Variants in CCDC175 observed in about 807,000 individuals in gnomAD.
CCDC175 encodes the protein coiled-coil domain-containing protein 175.
Under a neutral mutation model 114.6 loss-of-function variants are expected in CCDC175, and 100 were observed. The ratio of observed to expected loss-of-function variants is 0.87; its 90% CI spans 0.74 to 1.03. CCDC175 has a LOEUF of 1.03. Among genes scored for constraint, CCDC175 ranks in the 50% least tolerant of loss-of-function variants. The pLI is 0.00. For missense variants in CCDC175, 880 were observed against 917.8 expected (o/e 0.96, Z 0.53); for synonymous variants, 306 against 308.7 (o/e 0.99, Z 0.09).
rs1012185047 is a variant in CCDC175, at chr14:59,572,815, T to G, written c.244-2A>C. 6.7e-7 allele frequency: 1 copy of G among 1,485,722 alleles called. No individual in the cohort carries two copies. Among genetic ancestry groups the G allele is most frequent in the South Asian group, 1.3e-5 (1 of 75,470 alleles). The allele number at this position is 1,485,722 out of a possible 1,614,324, so 92.0% of individuals were successfully genotyped here. A position where few individuals can be genotyped will look rare whatever the true frequency, so the allele number is the denominator to read the frequency against. ...GATTGTGGCTTTTCTCATTTCTTCC[T>G]GAAAATTTAAATTACATTTTTAAAA... is the stretch of plus-strand genomic sequence containing the variant. On this transcript the variant is annotated splice_acceptor_variant, in intron 2 of 19. Transcript: ENST00000537690. LOFTEE classifies it high-confidence loss of function.
chr14:59,539,895 G>A (rs184516355), intron 11 of CCDC175, among the ~76,000 whole-genome samples: 159 of 152,060 alleles, frequency 1.0e-3, no homozygotes, highest in African/African-American at 3.6e-3. Flanking sequence ...GTGAGAGTCC[G>A]TCTCAAAAAC....
rs1015144068 is a variant in CCDC175 at position 59,565,029 on chromosome 14, A to G, written c.720+18T>C. On this transcript the variant is annotated intron_variant, in intron 5 of 19. Transcript: ENST00000537690. The stretch of plus-strand genomic sequence containing the variant: ...TCTATACATTATTGTATTTTAAAGA[A>G]TAAATCATGCCACTTACCTGTGCAG... 6 of 1,443,354 alleles carry G rather than the reference A, an allele frequency of 4.2e-6. No individual in the cohort carries two copies. Among genetic ancestry groups the G allele is most frequent in the Non-Finnish European group, 3.7e-6 (4 of 1,071,162 alleles). The allele number at this position is 1,443,354 out of a possible 1,614,324, so 89.4% of individuals were successfully genotyped here.
rs6573272 is a variant in CCDC175 at position 59,576,605 on chromosome 14, G to A, written c.157+14C>T. ...TGAGGAGACGTCCCTTCCAGCGCCC[G>A]AGGGGCGTCTTACCCACAACAAACA... On this transcript the variant is annotated intron_variant, in intron 1 of 19. Coordinates refer to ENST00000537690, the MANE Select transcript of CCDC175 (RefSeq NM_001164399.2). 392,701 of 1,416,620 alleles carry A rather than the reference G, an allele frequency of 0.28. 55,601 individuals carry two copies. The highest frequency in any genetic ancestry group is 0.39 in the South Asian group (26,299 of 66,592). The allele number at this position is 1,416,620 out of a possible 1,614,324, so 87.8% of individuals were successfully genotyped here. A position where few individuals can be genotyped will look rare whatever the true frequency, so the allele number is the denominator to read the frequency against.
At chr14:59,530,668 A>T (rs929220996) in intron 14 of CCDC175, among the ~76,000 whole-genome samples, 60 of 152,288 alleles carry the variant, frequency 3.9e-4, no homozygotes, top group African/African-American at 1.4e-3. Flanking sequence ...TTACATTTTT[A>T]AAAATCCACC....
At chr14:59,562,944 A>T (rs1896305298) in intron 6 of CCDC175, among the ~76,000 whole-genome samples, 1 of 152,192 alleles carries the variant, frequency 6.6e-6, no homozygotes, top group Admixed American at 6.5e-5. Flanking sequence ...ATCATAATAG[A>T]TATATTGTAA....
At position 59,524,413 on chromosome 14, in the gene CCDC175, T is replaced by A. The variant is rs186207570; in HGVS notation, c.1995+869A>T. Among the ~76,000 whole-genome samples the A allele has an allele frequency of 6.6e-5, 10 of 152,332 alleles. No individual in the cohort carries two copies. The East Asian group carries it at 1.9e-3, about 29-fold the overall frequency. On this transcript the variant is annotated intron_variant, in intron 16 of 19. Coordinates refer to ENST00000537690, the MANE Select transcript of CCDC175 (RefSeq NM_001164399.2). ...AATCAGTATGAAATAGACAACCTACTTTTTAAAAAACGGGCAAAAGACTTG... is the reference window on the plus strand; with the variant it reads ...AATCAGTATGAAATAGACAACCTACATTTTAAAAAACGGGCAAAAGACTTG...
intron 6 of CCDC175, among the ~76,000 whole-genome samples, chr14:59,562,871 T>C (rs955504242): frequency 1.3e-5 from 2 of 152,180 alleles, no homozygotes; most frequent in Non-Finnish European, 2.9e-5. Flanking sequence ...AAACAGATAA[T>C]AATTTTTCAA....
At chr14:59,570,895 C>G (rs192650838) in intron 3 of CCDC175, among the ~76,000 whole-genome samples, 9 of 152,220 alleles carry the variant, frequency 5.9e-5, no homozygotes, top group African/African-American at 2.2e-4. Flanking sequence ...TGCGCCACCA[C>G]GCCTGGCTAA....
chr14:59,563,606 A>T lies in CCDC175; in HGVS notation c.843+131T>A, dbSNP rs1896352056. ...ACAATTGCACCATAACGCTTTAAAG[A>T]AAGTGTCAGAAAATGTTAACGTGCA... is the stretch of plus-strand genomic sequence containing the variant. On this transcript the variant is annotated intron_variant, in intron 6 of 19. Coordinates refer to ENST00000537690, the MANE Select transcript of CCDC175 (RefSeq NM_001164399.2). The T allele has an allele frequency of 9.8e-6, 5 of 510,784 alleles. No homozygotes were observed. In the South Asian group the frequency reaches 3.7e-4, roughly 38 times the overall value. The allele number at this position is 510,784 out of a possible 1,614,324, so 31.6% of individuals were successfully genotyped here.
intron 9 of CCDC175, among the ~76,000 whole-genome samples, chr14:59,544,717 T>C (rs2073318): frequency 0.52 from 78,598 of 151,988 alleles, 21,600 homozygotes; most frequent in East Asian, 0.82. Flanking sequence ...GAAAGGAACA[T>C]TGTGGGGCAT....
intron 8 of CCDC175, among the ~76,000 whole-genome samples, chr14:59,550,401 A>G (rs1335226915): frequency 6.6e-6 from 1 of 152,050 alleles, no homozygotes; most frequent in South Asian, 2.1e-4. Context: ...TTATCTACTT[A>G]TGATATGATT....
chr14:59,552,459 C>A (rs551903100), intron 7 of CCDC175, among the ~76,000 whole-genome samples: 3 of 152,266 alleles, frequency 2.0e-5, no homozygotes, highest in African/African-American at 7.2e-5. Flanking sequence ...ACACCAAAAC[C>A]CCATCTGTAC....
chr14:59,517,823 T>C (rs1013362666), intron 17 of CCDC175, among the ~76,000 whole-genome samples: 1 of 152,226 alleles, frequency 6.6e-6, no homozygotes, highest in African/African-American at 2.4e-5. Flanking sequence ...AAAACTACTT[T>C]AAAGTTCATA....
chr14:59,572,685 G>T lies in CCDC175; in HGVS notation c.355+17C>A. On this transcript the variant is annotated intron_variant, in intron 3 of 19. Transcript: ENST00000537690. ...TAAGATCAACTAAATTTCTAGAGTT[G>T]ATAACCTCAAAAGTACCTTCCAATT... The T allele has an allele frequency of 7.4e-7, 1 of 1,343,386 alleles. No individual in the cohort carries two copies. Among genetic ancestry groups the T allele is most frequent in the Non-Finnish European group, 9.9e-7 (1 of 1,005,088 alleles). 83.2% of individuals were successfully genotyped at this position (1,343,386 alleles called of 1,614,324 possible). A position where few individuals can be genotyped will look rare whatever the true frequency, so the allele number is the denominator to read the frequency against.
chr14:59,568,726 AG>A (rs980579402), intron 3 of CCDC175, among the ~76,000 whole-genome samples: 2 of 152,194 alleles, frequency 1.3e-5, no homozygotes, highest in African/African-American at 4.8e-5. Context: ...TGTATAACCC[AG>A]AAGTACAAGA....
rs1443367208 is a variant in CCDC175, at chr14:59,565,072, A to G, written c.695T>C (p.Ile232Thr). The change falls in exon 5 of 20, where the codon ATA (isoleucine) becomes ACA (threonine). Residue 232 changes from isoleucine (I) to threonine (T), a missense_variant. Physicochemically the swap from Ile to Thr is moderately conservative, Grantham distance 89 (BLOSUM62 -1). Coordinates refer to ENST00000537690, the MANE Select transcript of CCDC175 (RefSeq NM_001164399.2). ...LMEKERAEYL[I>T]RKQELTAQIN... is the part of the protein sequence containing the mutation. Reference sequence around the variant, plus strand: ...CTGTGCAGTCAACTCTTGTTTTCTTATTAGATATTCTGCCCTTTCTTTTTC... The same window carrying G: ...CTGTGCAGTCAACTCTTGTTTTCTTGTTAGATATTCTGCCCTTTCTTTTTC... The G allele has an allele frequency of 6.5e-7, 1 of 1,536,242 alleles. No individual in the cohort carries two copies. The highest frequency in any genetic ancestry group is 2.0e-5 in the Admixed American group (1 of 50,800).
intron 7 of CCDC175, among the ~76,000 whole-genome samples, chr14:59,557,172 T>A (rs1425441454): frequency 1.3e-5 from 2 of 152,102 alleles, no homozygotes; most frequent in African/African-American, 4.8e-5. Context: ...CACACGTATG[T>A]TTATTGCGGC....
rs561885613 is a variant in CCDC175 at position 59,548,435 on chromosome 14, A to G, written c.1035+2920T>C. Among the ~76,000 whole-genome samples, 7 of 152,316 alleles carry G rather than the reference A, an allele frequency of 4.6e-5. No homozygotes were observed. The South Asian group carries it at 1.5e-3, about 32-fold the overall frequency. On this transcript the variant is annotated intron_variant, in intron 8 of 19. Coordinates refer to ENST00000537690, the MANE Select transcript of CCDC175 (RefSeq NM_001164399.2). ...TTCTACCCTAGTGAAAATAATAAAT[A>G]AGCAAGAGCCTTGCATTCTTTGAAG...
At chr14:59,550,699 G>A (rs1895414494) in intron 8 of CCDC175, among the ~76,000 whole-genome samples, 1 of 152,152 alleles carries the variant, frequency 6.6e-6, no homozygotes, top group Admixed American at 6.5e-5. Context: ...GTGTTCGAGA[G>A]CAGGAAGCAT....
Sources: allele counts gnomAD v4.1 joint callset (sites outside exome capture counted in the v4.1 genomes callset), GRCh38; gene constraint gnomAD v4.1.1; transcripts MANE v1.5; gene names NCBI Gene and HGNC (gene_info 2026-07-23, HGNC 2026-07-21).